Variants in GGNBP2 observed in about 807,000 individuals in gnomAD.
GGNBP2 encodes the protein gametogenetin binding protein 2.
Under a neutral mutation model 85.9 loss-of-function variants are expected in GGNBP2, and 10 were observed. That is an observed-to-expected ratio of 0.12 (90% confidence interval 0.07 to 0.20). GGNBP2 has a LOEUF of 0.20. Among genes scored for constraint, GGNBP2 ranks in the 10% least tolerant of loss-of-function variants. The pLI is 1.00. For synonymous variants in GGNBP2, 287 were observed against 285.7 expected (o/e 1.00, Z -0.05); for missense variants, 595 against 857.8 (o/e 0.69, Z 3.83).
chr17:36,552,142 AC>A (rs2074315212), intron 2 of GGNBP2, among the ~76,000 whole-genome samples: 1 of 152,234 alleles, frequency 6.6e-6, no homozygotes, highest in Admixed American at 6.5e-5. Context: ...GGTATTAGTT[AC>A]TTAAATGGTA....
chr17:36,570,840 G>A (rs1004900648), intron 6 of GGNBP2, among the ~76,000 whole-genome samples: 5 of 152,080 alleles, frequency 3.3e-5, no homozygotes, highest in African/African-American at 1.2e-4. Flanking sequence ...GGCCAACATG[G>A]TGAAACCCCT....
chr17:36,553,589 C>T (rs559038346), intron 2 of GGNBP2, among the ~76,000 whole-genome samples: 10 of 152,196 alleles, frequency 6.6e-5, no homozygotes, highest in South Asian at 2.1e-4. Context: ...TGCCTTAAAT[C>T]GGTGTTTTTC....
Position 36,585,469 on chromosome 17 carries a change from T to C in GGNBP2, c.1366+19T>C. The stretch of plus-strand genomic sequence containing the variant: ...AAGAAAGGTAAGTAAATAATTTCTT[T>C]TTAAAATGAACTCTTAACTCTATTC... On this transcript the variant is annotated intron_variant, in intron 10 of 13. Transcript: ENST00000613102. 6.5e-7 allele frequency: 1 copy of C among 1,536,516 alleles called. No homozygotes were observed.
At position 36,578,021 on chromosome 17, in the gene GGNBP2, A is replaced by G; in HGVS notation, c.680A>G (p.Tyr227Cys). 6.2e-7 allele frequency: 1 copy of G among 1,614,202 alleles called. No individual in the cohort carries two copies. Among genetic ancestry groups the G allele is most frequent in the East Asian group, 2.2e-5 (1 of 44,888 alleles). ...TGCAAAAATAAAGTCCTCCGAGCAT[A>G]CAATATCCTTATTGGTGAACTTGAC... ...TDCKNKVLRA[Y>C]NILIGELDCS... Residue 227 changes from tyrosine to cysteine, a missense_variant, in exon 7 of 14, where the codon TAC (tyrosine) becomes TGC (cysteine). Physicochemically the swap from Tyr to Cys is radical, Grantham distance 194. Transcript: ENST00000613102.
At chr17:36,546,391 G>C (rs1471763107) in intron 2 of GGNBP2, 12 of 156,462 alleles carry the variant, frequency 7.7e-5, no homozygotes, top group Admixed American at 2.0e-4. Flanking sequence ...TGTATTGCTA[G>C]GCCCTTTCTT....
chr17:36,545,623 G>T lies in GGNBP2; in HGVS notation c.-102G>T. The T allele has an allele frequency of 1.1e-6, 1 of 875,812 alleles. No homozygotes were observed. The highest frequency in any genetic ancestry group is 1.8e-6 in the Non-Finnish European group (1 of 542,718). 54.3% of individuals were successfully genotyped at this position (875,812 alleles called of 1,614,324 possible). A position where few individuals can be genotyped will look rare whatever the true frequency, so the allele number is the denominator to read the frequency against. On this transcript the variant is annotated 5_prime_UTR_variant, in exon 2 of 14. Coordinates refer to ENST00000613102, the MANE Select transcript of GGNBP2 (RefSeq NM_024835.5). ...CGCGGGGTTTGGCTGTTGCAGGCAG[G>T]AGCTGGGAGGAGGCGGCAGCGGCGG...
At chr17:36,550,694 A>C (rs186436890) in intron 2 of GGNBP2, among the ~76,000 whole-genome samples, 2 of 152,372 alleles carry the variant, frequency 1.3e-5, no homozygotes, top group East Asian at 3.9e-4. Context: ...AAACTTTATA[A>C]AGCAGTAATT....
chr17:36,573,087 TC>T (rs1207651149), intron 6 of GGNBP2, among the ~76,000 whole-genome samples: 1 of 152,156 alleles, frequency 6.6e-6, no homozygotes, highest in African/African-American at 2.4e-5. Context: ...ATGGGCAGTG[TC>T]ATAGTATATG....
chr17:36,577,628 CTA>C (rs2074604937), intron 6 of GGNBP2: 1 of 286,838 alleles, frequency 3.5e-6, no homozygotes, highest in African/African-American at 2.2e-5. Context: ...TTTGTTGCCT[CTA>C]TTGTTTTATT....
intron 3 of GGNBP2, among the ~76,000 whole-genome samples, chr17:36,555,284 AG>A (rs1385030458): frequency 6.6e-6 from 1 of 152,210 alleles, no homozygotes; most frequent in African/African-American, 2.4e-5. Flanking sequence ...TTAATTCCTG[AG>A]AAATATAGTG....
chr17:36,551,101 A>G (rs1186453129), intron 2 of GGNBP2, among the ~76,000 whole-genome samples: 1 of 152,248 alleles, frequency 6.6e-6, no homozygotes, highest in African/African-American at 2.4e-5. Flanking sequence ...TGATGAAACC[A>G]GGAAAGATAG....
intron 12 of GGNBP2, 153 bp from the exon 13 acceptor site, chr17:36,586,844 C>T: frequency 1.4e-6 from 1 of 704,952 alleles, no homozygotes. Flanking sequence ...GTCTTGAACA[C>T]TTGACCTCAG....
chr17:36,566,622 A>G (rs921259576), intron 5 of GGNBP2, among the ~76,000 whole-genome samples: 2 of 151,938 alleles, frequency 1.3e-5, no homozygotes, highest in Non-Finnish European at 2.9e-5. Context: ...GTGGGGTTGC[A>G]CTGAGCCAAG....
At chr17:36,551,682 A>C (rs1013988941) in intron 2 of GGNBP2, among the ~76,000 whole-genome samples, 1 of 151,862 alleles carries the variant, frequency 6.6e-6, no homozygotes, top group Non-Finnish European at 1.5e-5. Flanking sequence ...TGTCTCTACT[A>C]AAAATACAAA....
intron 8 of GGNBP2, among the ~76,000 whole-genome samples, 166 bp downstream of exon 8, chr17:36,579,585 A>G (rs1318335388): frequency 1.3e-5 from 2 of 152,206 alleles, no homozygotes; most frequent in Non-Finnish European, 2.9e-5. Flanking sequence ...GGGGTGGTCT[A>G]GGGAACTGGG....
chr17:36,573,328 G>A (rs1358723134), intron 6 of GGNBP2, among the ~76,000 whole-genome samples: 1 of 152,078 alleles, frequency 6.6e-6, no homozygotes, highest in African/African-American at 2.4e-5. Context: ...GGTCAGGCTG[G>A]TCTTGAACTC....
chr17:36,583,298 C>T (rs888027071), intron 9 of GGNBP2, among the ~76,000 whole-genome samples: 1 of 151,974 alleles, frequency 6.6e-6, no homozygotes, highest in Non-Finnish European at 1.5e-5. Context: ...GTGATCCGCC[C>T]GCCTCAGCCT....
intron 8 of GGNBP2, among the ~76,000 whole-genome samples, chr17:36,579,645 T>G (rs2074625999): frequency 6.6e-6 from 1 of 152,226 alleles, no homozygotes; most frequent in African/African-American, 2.4e-5. Flanking sequence ...TCCTGTTAAC[T>G]TTGCTAGCTT....
At chr17:36,556,780 T>G (rs917574163) in intron 3 of GGNBP2, among the ~76,000 whole-genome samples, 2 of 124,660 alleles carry the variant, frequency 1.6e-5, no homozygotes, top group African/African-American at 3.5e-5. Flanking sequence ...TTTTTTTTTT[T>G]GTGAGAGGAC....
Sources: allele counts gnomAD v4.1 joint callset (sites outside exome capture counted in the v4.1 genomes callset), GRCh38; gene constraint gnomAD v4.1.1; transcripts MANE v1.5; gene names NCBI Gene and HGNC (gene_info 2026-07-23, HGNC 2026-07-21).